Variants in SNTG1 observed in about 807,000 individuals in gnomAD.
The protein encoded by SNTG1 is syntrophin gamma 1.
SNTG1 carries 39 observed loss-of-function variants against 74.7 expected under a neutral mutation model. The observed-to-expected ratio is 0.52, with a 90% CI of 0.40 to 0.68. The LOEUF (loss-of-function observed/expected upper bound fraction) is 0.68. Among genes scored for constraint, SNTG1 ranks in the 30% least tolerant of loss-of-function variants. The probability of loss-of-function intolerance (pLI) is 0.00; values close to 1 mark genes in which losing one functional copy is unlikely to be tolerated. For missense variants in SNTG1, 685 were observed against 609.5 expected (o/e 1.12, Z -1.30); for synonymous variants, 254 against 217.1 (o/e 1.17, Z -1.49).
intron 15 of SNTG1, among the ~76,000 whole-genome samples, chr8:50,701,319 C>T (rs186337233): frequency 9.2e-5 from 14 of 152,160 alleles, no homozygotes; most frequent in African/African-American, 2.9e-4. Flanking sequence ...TGTCATTATA[C>T]TGTGTTCAAG....
In SNTG1 at chr8:50,398,412, C is replaced by T. The variant is rs571364923; in HGVS notation, c.28-3798C>T. Among the ~76,000 whole-genome samples the T allele has an allele frequency of 4.6e-5, 7 of 152,308 alleles. No homozygotes were observed. The South Asian group carries it at 1.5e-3, about 32-fold the overall frequency. On this transcript the variant is annotated intron_variant, in intron 3 of 18. Transcript: ENST00000642720. ...TTCATTTTCTTGCATCATCACGTGG[C>T]ATGCATTTTCACACTTCCATATCTT... is the stretch of plus-strand genomic sequence containing the variant.
intron 1 of SNTG1, among the ~76,000 whole-genome samples, chr8:50,076,621 A>G (rs1011468137): frequency 8.0e-5 from 3 of 37,726 alleles, no homozygotes; most frequent in African/African-American, 1.3e-4. Flanking sequence ...TCAGGTGTCT[A>G]AATAGGTATT....
chr8:50,440,536 C>A (rs1471287043), intron 5 of SNTG1, among the ~76,000 whole-genome samples: 2 of 151,996 alleles, frequency 1.3e-5, no homozygotes, highest in African/African-American at 4.8e-5. Context: ...AATGTATAAA[C>A]TTTTTTAAAA....
chr8:50,682,340 G>T (rs1197866939), intron 15 of SNTG1, among the ~76,000 whole-genome samples: 2 of 151,732 alleles, frequency 1.3e-5, no homozygotes, highest in Non-Finnish European at 2.9e-5. Flanking sequence ...TGGGTAGTTT[G>T]GTGGGAAGGG....
chr8:50,165,093 T>C (rs1479819722), intron 1 of SNTG1, among the ~76,000 whole-genome samples: 1 of 152,152 alleles, frequency 6.6e-6, no homozygotes, highest in East Asian at 1.9e-4. Context: ...TGTCAGGTGT[T>C]TATACTATTT....
chr8:49,997,199 A>G (rs899711139), intron 1 of SNTG1, among the ~76,000 whole-genome samples: 5 of 152,168 alleles, frequency 3.3e-5, no homozygotes, highest in African/African-American at 1.2e-4. Flanking sequence ...TGATAATTAT[A>G]TGCATACAAT....
At chr8:50,088,401 C>A (rs200259384) in intron 1 of SNTG1, among the ~76,000 whole-genome samples, 4 of 132,232 alleles carry the variant, frequency 3.0e-5, no homozygotes, top group African/African-American at 5.5e-5. Context: ...GAAGTTCTGG[C>A]CAGGGCAATT....
intron 15 of SNTG1, among the ~76,000 whole-genome samples, chr8:50,696,865 A>G (rs1489584562): frequency 6.6e-6 from 1 of 152,008 alleles, no homozygotes; most frequent in African/African-American, 2.4e-5. Flanking sequence ...TATTATTTGA[A>G]GTCAGGTAAT....
At chr8:50,194,433 A>G (rs2083689717) in intron 2 of SNTG1, among the ~76,000 whole-genome samples, 1 of 152,034 alleles carries the variant, frequency 6.6e-6, no homozygotes, top group Non-Finnish European at 1.5e-5. Context: ...CATCTCTTCT[A>G]GATTTTCTAG....
At chr8:50,064,548 C>A (rs760089020) in intron 1 of SNTG1, among the ~76,000 whole-genome samples, 4 of 152,134 alleles carry the variant, frequency 2.6e-5, no homozygotes, top group Non-Finnish European at 5.9e-5. Context: ...CTTTTTAGAC[C>A]CAAATATTTG....
At chr8:50,681,467 G>A (rs552236704) in intron 15 of SNTG1, among the ~76,000 whole-genome samples, 16 of 152,002 alleles carry the variant, frequency 1.1e-4, no homozygotes, top group South Asian at 4.2e-4. Context: ...TGTACACATC[G>A]CATAATTTTA....
At chr8:49,970,911 G>A (rs1229675382) in intron 1 of SNTG1, among the ~76,000 whole-genome samples, 1 of 152,126 alleles carries the variant, frequency 6.6e-6, no homozygotes, top group Non-Finnish European at 1.5e-5. Flanking sequence ...CAGATGAAAA[G>A]AGTCTGGCTG....
At chr8:50,534,337 T>G (rs1207454680) in intron 10 of SNTG1, among the ~76,000 whole-genome samples, 1 of 152,124 alleles carries the variant, frequency 6.6e-6, no homozygotes, top group Non-Finnish European at 1.5e-5. Context: ...GACCTTGCTT[T>G]GTGCAGCTGG....
chr8:50,664,679 G>A (rs2095242106), intron 15 of SNTG1, among the ~76,000 whole-genome samples: 1 of 152,114 alleles, frequency 6.6e-6, no homozygotes, highest in East Asian at 1.9e-4. Flanking sequence ...GCTACCAATG[G>A]AACTTAGATC....
At chr8:50,042,545 A>G (rs1355871905) in intron 1 of SNTG1, among the ~76,000 whole-genome samples, 1 of 152,050 alleles carries the variant, frequency 6.6e-6, no homozygotes, top group Non-Finnish European at 1.5e-5. Flanking sequence ...AGGGTGACAG[A>G]CAGAGACGGT....
intron 2 of SNTG1, among the ~76,000 whole-genome samples, chr8:50,186,507 C>T (rs2083389889): frequency 1.3e-5 from 2 of 152,098 alleles, no homozygotes; most frequent in Admixed American, 6.6e-5. Context: ...AAAAACATTC[C>T]TATTTCTCCA....
intron 13 of SNTG1, among the ~76,000 whole-genome samples, chr8:50,631,693 G>A (rs193294412): frequency 1.0e-3 from 155 of 152,288 alleles, no homozygotes; most frequent in African/African-American, 3.7e-3. Flanking sequence ...TTCTTTAAGT[G>A]TGATTTAATT....
intron 1 of SNTG1, among the ~76,000 whole-genome samples, chr8:50,088,554 A>G (rs2131137464): frequency 7.4e-6 from 1 of 135,022 alleles, no homozygotes; most frequent in East Asian, 2.1e-4. Context: ...AACTTCAGCA[A>G]AGTCTCAGGA....
intron 17 of SNTG1, among the ~76,000 whole-genome samples, chr8:50,725,054 T>C (rs1353125353): frequency 6.6e-6 from 1 of 152,156 alleles, no homozygotes; most frequent in East Asian, 1.9e-4. Flanking sequence ...ATAAGAAAAC[T>C]TCATATTCAA....
Sources: allele counts gnomAD v4.1 joint callset (sites outside exome capture counted in the v4.1 genomes callset), GRCh38; gene constraint gnomAD v4.1.1; transcripts MANE v1.5; gene names NCBI Gene and HGNC (gene_info 2026-07-23, HGNC 2026-07-21).